TUSC3: variants seen among roughly 807,000 people sequenced by gnomAD.
The protein encoded by TUSC3 is tumor suppressor candidate 3.
TUSC3 carries 45 observed loss-of-function variants against 44.8 expected under a neutral mutation model. The observed-to-expected ratio is 1.00, with a 90% CI of 0.79 to 1.29. TUSC3 has a LOEUF of 1.29. Among genes scored for constraint, TUSC3 ranks in the 50% most tolerant of loss-of-function variants. TUSC3 has a pLI of 0.00. For synonymous variants in TUSC3, 212 were observed against 152.9 expected (o/e 1.39, Z -2.85); for missense variants, 519 against 437.9 (o/e 1.19, Z -1.65).
At chr8:15,480,975 A>C (rs529967775) in intron 1 of TUSC3, among the ~76,000 whole-genome samples, 1 of 152,176 alleles carries the variant, frequency 6.6e-6, no homozygotes, top group African/African-American at 2.4e-5. Flanking sequence ...CCTTCAGGCA[A>C]GGTGGCTCAC....
chr8:15,522,582 C>T (rs894892146), intron 2 of TUSC3, among the ~76,000 whole-genome samples: 6 of 151,456 alleles, frequency 4.0e-5, no homozygotes, highest in African/African-American at 1.5e-4. Context: ...TCACGATCCA[C>T]TCCCACATGT....
At chr8:15,815,703 C>T in the TUSC3 span, among the ~76,000 whole-genome samples, 2 of 152,130 alleles carry the variant, frequency 1.3e-5, no homozygotes, top group African/African-American at 4.8e-5. Flanking sequence ...TTATGGCATT[C>T]TGTCTCTTCT....
At chr8:15,789,361 A>T in the TUSC3 span, among the ~76,000 whole-genome samples, 1 of 152,082 alleles carries the variant, frequency 6.6e-6, no homozygotes, top group Admixed American at 6.5e-5. Context: ...AGAAAATAGC[A>T]TTTTCAACAA....
At chr8:15,435,088 C>A (rs1049685173) in intron 1 of TUSC3, among the ~76,000 whole-genome samples, 1 of 148,744 alleles carries the variant, frequency 6.7e-6, no homozygotes, top group African/African-American at 2.6e-5. Context: ...ATTTCTAGTT[C>A]TAGATCCCTG....
intron 2 of TUSC3, among the ~76,000 whole-genome samples, chr8:15,494,521 G>A (rs1378201820): frequency 2.0e-5 from 3 of 152,120 alleles, no homozygotes; most frequent in African/African-American, 7.2e-5. Flanking sequence ...GTTTCACTGT[G>A]TTAGCCAGGA....
intron 9 of TUSC3, chr8:15,748,744 T>G (rs779257669): frequency 1.7e-6 from 1 of 583,448 alleles, no homozygotes; most frequent in Non-Finnish European, 3.3e-6. Context: ...GACTTGAAAA[T>G]TTTTATCTTC....
At chr8:15,492,369 A>T (rs1800820727) in intron 2 of TUSC3, among the ~76,000 whole-genome samples, 1 of 152,116 alleles carries the variant, frequency 6.6e-6, no homozygotes, top group Non-Finnish European at 1.5e-5. Context: ...TATCATTCCC[A>T]CTTTATTATT....
At chr8:15,776,455 C>T in the TUSC3 span, among the ~76,000 whole-genome samples, 1 of 152,142 alleles carries the variant, frequency 6.6e-6, no homozygotes, top group East Asian at 1.9e-4. Context: ...CTTGACATGT[C>T]AGTTATGTTT....
intron 3 of TUSC3, among the ~76,000 whole-genome samples, chr8:15,653,074 A>G (rs1806988143): frequency 1.3e-5 from 2 of 152,192 alleles, no homozygotes; most frequent in South Asian, 2.1e-4. Flanking sequence ...TAACAGAAAC[A>G]CTCATTTTTC....
At chr8:15,567,510 T>C (rs968610799) in intron 1 of TUSC3, among the ~76,000 whole-genome samples, 1 of 152,172 alleles carries the variant, frequency 6.6e-6, no homozygotes, top group African/African-American at 2.4e-5. Context: ...CTTAAATAGT[T>C]AAGTATCATA....
chr8:15,762,105 G>C (rs925923341), intron 10 of TUSC3, among the ~76,000 whole-genome samples: 2 of 151,714 alleles, frequency 1.3e-5, no homozygotes, highest in African/African-American at 4.8e-5. Context: ...ATACTGATTA[G>C]AGAACAGCAG....
chr8:15,731,058 G>A (rs561467332), intron 7 of TUSC3, among the ~76,000 whole-genome samples: 2 of 152,020 alleles, frequency 1.3e-5, no homozygotes, highest in South Asian at 2.1e-4. Flanking sequence ...AGAAAAAAGT[G>A]CCTTATGATA....
At chr8:15,775,602 T>G in the TUSC3 span, among the ~76,000 whole-genome samples, 1 of 149,006 alleles carries the variant, frequency 6.7e-6, no homozygotes. Flanking sequence ...CCAAAAATAT[T>G]TACATGTATG....
chr8:15,668,225 T>C (rs1807764360), intron 5 of TUSC3, among the ~76,000 whole-genome samples: 1 of 151,762 alleles, frequency 6.6e-6, no homozygotes, highest in African/African-American at 2.4e-5. Flanking sequence ...TAAATAGGTT[T>C]AAGGACATTT....
At chr8:15,629,512 A>G (rs577781478) in intron 2 of TUSC3, among the ~76,000 whole-genome samples, 17 of 151,400 alleles carry the variant, frequency 1.1e-4, no homozygotes, top group African/African-American at 4.1e-4. Flanking sequence ...AGGGAGTTGT[A>G]GATGCACTGA....
At chr8:15,472,256 C>G (rs1156577028) in intron 1 of TUSC3, among the ~76,000 whole-genome samples, 2 of 152,192 alleles carry the variant, frequency 1.3e-5, no homozygotes, top group East Asian at 3.9e-4. Context: ...TCCAAAATGT[C>G]TGTCTCAAAT....
At chr8:15,555,705 G>A (rs1802234904) in intron 1 of TUSC3, among the ~76,000 whole-genome samples, 1 of 151,562 alleles carries the variant, frequency 6.6e-6, no homozygotes, top group Admixed American at 6.6e-5. Flanking sequence ...GCCCTTTCAT[G>A]TTTGTAATAT....
the TUSC3 span, among the ~76,000 whole-genome samples, chr8:15,789,092 G>A: frequency 6.6e-6 from 1 of 152,154 alleles, no homozygotes; most frequent in African/African-American, 2.4e-5. Context: ...ATTCAAGCAT[G>A]CCCATGACTA....
the TUSC3 span, among the ~76,000 whole-genome samples, chr8:15,795,604 A>G: frequency 6.6e-6 from 1 of 152,212 alleles, no homozygotes; most frequent in African/African-American, 2.4e-5. Context: ...CCGTGTTTTC[A>G]AGAAGAGAGT....
Sources: gnomAD v4.1 joint callset for allele counts (sites outside exome capture counted in the v4.1 genomes callset) on GRCh38, gnomAD v4.1.1 for gene constraint, MANE v1.5 for transcripts, NCBI Gene and HGNC (gene_info 2026-07-23, HGNC 2026-07-21) for gene names.